Variants in AXIN1 observed in about 807,000 individuals in gnomAD.
The protein encoded by AXIN1 is axin 1.
Under a neutral mutation model 76.4 loss-of-function variants are expected in AXIN1, and 30 were observed. That is an observed-to-expected ratio of 0.39 (90% CI 0.29 to 0.53). The LOEUF (loss-of-function observed/expected upper bound fraction) is 0.53, where lower values mean the gene tolerates loss of function less well. Ranked by LOEUF, AXIN1 falls within the 20% of genes least tolerant of loss-of-function variation. The pLI is 0.66. For synonymous variants in AXIN1, 545 were observed against 501.4 expected (o/e 1.09, Z -1.16); for missense variants, 1,140 against 1,198.8 (o/e 0.95, Z 0.72).
intron 7 of AXIN1, among the ~76,000 whole-genome samples, chr16:296,024 G>A (rs573133700): frequency 5.9e-4 from 90 of 152,340 alleles, no homozygotes; most frequent in South Asian, 1.9e-3. Context: ...CCAGCATTTT[G>A]GGAGGCCAAG....
chr16:329,823 C>T (rs377650545), intron 2 of AXIN1, among the ~76,000 whole-genome samples: 15 of 149,516 alleles, frequency 1.0e-4, no homozygotes, highest in South Asian at 2.1e-4. Context: ...TTAGTAGACA[C>T]GGGGTTTCAC....
intron 2 of AXIN1, among the ~76,000 whole-genome samples, chr16:342,784 C>T (rs35612680): frequency 0.08 from 12,226 of 152,318 alleles, 562 homozygotes; most frequent in Non-Finnish European, 0.1. Flanking sequence ...CCACCTCCAA[C>T]ACAAAGCCCA....
At position 339,321 on chromosome 16, in the gene AXIN1, G is replaced by A. The variant is rs570742851; in HGVS notation, c.878+6827C>T. ...GATCGAGACCATCCTGGCTAACAAGGTGAAACCCCGTCTCTACTAAAAATA... is the reference window on the plus strand; with the variant it reads ...GATCGAGACCATCCTGGCTAACAAGATGAAACCCCGTCTCTACTAAAAATA... On this transcript the variant is annotated intron_variant, in intron 2 of 10. Transcript: ENST00000262320. Among the ~76,000 whole-genome samples the A allele has an allele frequency of 2.8e-4, 42 of 149,938 alleles. 2 individuals are homozygous for A. Among genetic ancestry groups the A allele is most frequent in the African/African-American group, 9.3e-4 (38 of 40,726 alleles).
intron 2 of AXIN1, among the ~76,000 whole-genome samples, chr16:317,557 A>G (rs2053332434): frequency 6.6e-6 from 1 of 152,218 alleles, no homozygotes; most frequent in African/African-American, 2.4e-5. Flanking sequence ...AGGTGACGGC[A>G]GCCTCAGGCT....
intron 8 of AXIN1, 119 bp from the exon 9 acceptor site, chr16:291,416 C>A: frequency 2.4e-6 from 2 of 831,730 alleles, no homozygotes; most frequent in Non-Finnish European, 3.9e-6. Context: ...AACAACCCAC[C>A]CTGCGCAGGC....
rs1208018695 is a variant in AXIN1, at chr16:298,059, C to T, written c.1447G>A (p.Gly483Ser). 2.5e-6 allele frequency: 4 copies of T among 1,573,044 alleles called. No homozygotes were observed. Among genetic ancestry groups the T allele is most frequent in the Non-Finnish European group, 3.4e-6 (4 of 1,164,750 alleles). The change falls in exon 6 of 11, where the codon GGC (glycine) becomes AGC (serine). Residue 483 changes from glycine (G) to serine (S), a missense_variant. Around this residue, in one of 3 missense-constraint regions of AXIN1, gnomAD observed 708 missense variants for 776.9 expected, o/e 0.91. Coordinates refer to ENST00000262320, the MANE Select transcript of AXIN1 (RefSeq NM_003502.4). ...TGGCCAGGCCCAGGCGACTGGCGGC[C>T]AGGTGTCCTCAGCACACGCTGTACG... Reference protein sequence around the residue: ...EHVQRVLRTPGRQSPGPGHRS... With the variant: ...EHVQRVLRTPSRQSPGPGHRS...
intron 2 of AXIN1, among the ~76,000 whole-genome samples, chr16:342,364 AC>A (rs2053945055): frequency 6.6e-6 from 1 of 152,210 alleles, no homozygotes. Flanking sequence ...AGTCAGTGAG[AC>A]CAAGAACCCA....
chr16:347,128 C>T (rs764328060), intron 1 of AXIN1, 22 bp from the exon 2 acceptor site: 6 of 1,599,104 alleles, frequency 3.8e-6, no homozygotes, highest in Non-Finnish European at 5.1e-6. Flanking sequence ...ATTAAGAGGA[C>T]AAGGATTAGG....
intron 5 of AXIN1, among the ~76,000 whole-genome samples, chr16:300,320 C>G (rs1293223894): frequency 1.3e-5 from 2 of 152,180 alleles, no homozygotes; most frequent in African/African-American, 4.8e-5. Context: ...TGCCAAGTAG[C>G]TGGGACTACA....
At chr16:321,024 C>A (rs1210893703) in intron 2 of AXIN1, among the ~76,000 whole-genome samples, 1 of 152,166 alleles carries the variant, frequency 6.6e-6, no homozygotes, top group Non-Finnish European at 1.5e-5. Flanking sequence ...AGGCTTAAGC[C>A]ACTGCGCCTG....
chr16:347,483 C>CTGACTATG (rs1207867057), intron 1 of AXIN1, among the ~76,000 whole-genome samples: 1 of 152,210 alleles, frequency 6.6e-6, no homozygotes, highest in Non-Finnish European at 1.5e-5. Context: ...GCCTCTAGTC[C>CTGACTATG]TGACTATGTG....
rs940475078 is a variant in AXIN1 at position 311,973 on chromosome 16, T to C, written c.1020-1904A>G. ...CAGCACCACTGAGTGTTGTGGGCAA[T>C]GGTGAGCCGAGTCCAGGTCTGGCTC... is the stretch of plus-strand genomic sequence containing the variant. On this transcript the variant is annotated intron_variant, in intron 3 of 10. Coordinates refer to ENST00000262320, the MANE Select transcript of AXIN1 (RefSeq NM_003502.4). 5.3e-5 allele frequency among the ~76,000 whole-genome samples: 8 copies of C among 152,228 alleles called. No homozygotes were observed. The East Asian group carries it at 1.4e-3, about 26-fold the overall frequency.
intron 2 of AXIN1, among the ~76,000 whole-genome samples, chr16:326,604 T>C (rs773291362): frequency 5.5e-5 from 8 of 145,904 alleles, no homozygotes; most frequent in South Asian, 2.2e-4. Context: ...AAAAATTAGC[T>C]GGGCGTGGTG....
At chr16:349,240 A>G (rs2054095083) in intron 1 of AXIN1, among the ~76,000 whole-genome samples, 1 of 152,220 alleles carries the variant, frequency 6.6e-6, no homozygotes, top group Non-Finnish European at 1.5e-5. Flanking sequence ...GCTGGGTAGT[A>G]TGTCATCTTG....
chr16:297,988 C>A lies in AXIN1; in HGVS notation c.1518G>T (p.Leu506=), dbSNP rs1204168616. The A allele has an allele frequency of 5.0e-6, 8 of 1,601,606 alleles. No homozygotes were observed. The highest frequency in any genetic ancestry group is 6.8e-6 in the Non-Finnish European group (8 of 1,178,474). ...SGHVAKMPVA[L]GGAASGHGKH... ...TCCCGTGCCCCGAGGCGGCACCCCC[C>A]AGTGCCACTGGCATCTTGGCCACGT... Residue 506 remains leucine, a synonymous_variant, in exon 6 of 11, where the codon CTG becomes CTT. Transcript: ENST00000262320.
chr16:293,941 G>T lies in AXIN1; in HGVS notation c.1956-223C>A, dbSNP rs1265763855. On this transcript the variant is annotated intron_variant, in intron 7 of 10. Transcript: ENST00000262320. The surrounding 1 kb of genome is among the most constrained non-coding windows in gnomAD (Gnocchi z 4.6). ...ACCTGTAATCCCAGCATTTCGGGAG[G>T]CCGAGGCGGGCAGATCACCAGAGGT... 6.6e-6 allele frequency among the ~76,000 whole-genome samples: 1 copy of T among 152,112 alleles called. No individual in the cohort carries two copies. The highest frequency in any genetic ancestry group is 1.5e-5 in the Non-Finnish European group (1 of 68,014).
At chr16:339,762 GGCAAGGGGAGCCCAC>G (rs1472060989) in intron 2 of AXIN1, among the ~76,000 whole-genome samples, 3 of 151,836 alleles carry the variant, frequency 2.0e-5, no homozygotes, top group Non-Finnish European at 4.4e-5. Context: ...CCCACACCCA[GGCAAGGGGAGCCCAC>G]GCAAGGGGCA....
At position 289,579 on chromosome 16, in the gene AXIN1, C is replaced by T. The variant is rs374756774; in HGVS notation, c.2323G>A (p.Gly775Arg). ...ETRSQRKVGG[G>R]SAQPCDSIVV... is the part of the protein sequence containing the mutation. ...ATGCTGTCACACGGCTGGGCACTCC[C>T]GCCGCCCACCTTCCTCTGCGATCTT... Residue 775 changes from glycine (G) to arginine (R), a missense_variant, in exon 10 of 11, where the codon GGG becomes AGG. This residue lies in a region of AXIN1 where 429 missense variants were observed against 405.8 expected (regional missense o/e 1.06). Coordinates refer to ENST00000262320, the MANE Select transcript of AXIN1 (RefSeq NM_003502.4). The T allele has an allele frequency of 1.8e-4, 283 of 1,612,760 alleles. No homozygotes were observed. Among genetic ancestry groups the T allele is most frequent in the Non-Finnish European group, 2.3e-4 (271 of 1,179,972 alleles).
intron 2 of AXIN1, among the ~76,000 whole-genome samples, chr16:321,033 T>G (rs575983920): frequency 7.9e-5 from 12 of 152,178 alleles, no homozygotes; most frequent in East Asian, 7.7e-4. Context: ...CCACTGCGCC[T>G]GCCCACAAAA....
Sources: gnomAD v4.1 joint callset for allele counts (sites outside exome capture counted in the v4.1 genomes callset) on GRCh38, gnomAD v4.1.1 for gene constraint, gnomAD v4.1.1 regional missense constraint, Gnocchi (gnomAD v3.1) non-coding constraint, MANE v1.5 for transcripts, NCBI Gene and HGNC (gene_info 2026-07-23, HGNC 2026-07-21) for gene names.